The following BAZ2B variants were observed in gnomAD, a reference collection of about 807,000 sequenced individuals.
BAZ2B encodes the protein bromodomain adjacent to zinc finger domain 2B.
Under a neutral mutation model 246.0 loss-of-function variants are expected in BAZ2B, and 91 were observed. That is an observed-to-expected ratio of 0.37 (90% CI 0.31 to 0.44). BAZ2B has a LOEUF of 0.44. Ranked by LOEUF, BAZ2B falls within the 20% of genes least tolerant of loss-of-function variation. The probability of loss-of-function intolerance (pLI) is 1.00; values close to 1 mark genes in which losing one functional copy is unlikely to be tolerated. For synonymous variants in BAZ2B, 855 were observed against 860.0 expected (o/e 0.99, Z 0.10); for missense variants, 2,332 against 2,533.7 (o/e 0.92, Z 1.71).
At position 159,395,713 on chromosome 2, in the gene BAZ2B, C is replaced by T; in HGVS notation, c.3075+56G>A. ...AAATTTATATTTAGAAGAGCCAATG[C>T]TTTAGGAAAAAGCATTACTTTATAA... On this transcript the variant is annotated intron_variant, in intron 20 of 36. Transcript: ENST00000392783. 5 of 1,452,474 alleles carry T rather than the reference C, an allele frequency of 3.4e-6. No individual in the cohort carries two copies. The South Asian group carries it at 3.8e-5, about 11-fold the overall frequency. The allele number at this position is 1,452,474 out of a possible 1,614,324, so 90.0% of individuals were successfully genotyped here. A position where few individuals can be genotyped will look rare whatever the true frequency, so the allele number is the denominator to read the frequency against.
chr2:159,571,841 T>G lies in BAZ2B; in HGVS notation c.-45-15976A>C, dbSNP rs192610967. Among the ~76,000 whole-genome samples, 5 of 152,282 alleles carry G rather than the reference T, an allele frequency of 3.3e-5. No homozygotes were observed. The East Asian group carries it at 9.6e-4, about 29-fold the overall frequency. On this transcript the variant is annotated intron_variant, in intron 1 of 36. Transcript: ENST00000392783. The stretch of plus-strand genomic sequence containing the variant: ...GAGGATATCTGTCAAATCCATCTCT[T>G]GATCAGGAGCCTACTCCCAAGATAA...
chr2:159,355,059 G>A (rs1006392450), intron 27 of BAZ2B, among the ~76,000 whole-genome samples: 1 of 152,168 alleles, frequency 6.6e-6, no homozygotes, highest in African/African-American at 2.4e-5. Context: ...AATCATTCTT[G>A]CTTCCAGTGA....
At chr2:159,406,574 A>G (rs1293428682) in intron 14 of BAZ2B, among the ~76,000 whole-genome samples, 6 of 152,136 alleles carry the variant, frequency 3.9e-5, no homozygotes. Context: ...TTACTCATAT[A>G]ATCATTTTAG....
the BAZ2B span, among the ~76,000 whole-genome samples, chr2:159,629,731 G>A: frequency 2.6e-5 from 4 of 151,856 alleles, no homozygotes; most frequent in Non-Finnish European, 5.9e-5. Context: ...GTAGATGATG[G>A]GTTAATGGAT....
chr2:159,501,166 A>AT (rs1178970627), intron 2 of BAZ2B, among the ~76,000 whole-genome samples: 10 of 88,160 alleles, frequency 1.1e-4, no homozygotes, highest in South Asian at 3.6e-4. Flanking sequence ...ATAAATATAT[A>AT]ATATATATTA....
At chr2:159,553,822 T>C (rs1468514211) in intron 2 of BAZ2B, among the ~76,000 whole-genome samples, 2 of 152,172 alleles carry the variant, frequency 1.3e-5, no homozygotes, top group African/African-American at 4.8e-5. Flanking sequence ...AACATTTTAC[T>C]TTTAGTTCTT....
intron 3 of BAZ2B, among the ~76,000 whole-genome samples, chr2:159,474,011 G>A (rs945883041): frequency 6.6e-6 from 1 of 152,146 alleles, no homozygotes; most frequent in Admixed American, 6.5e-5. Flanking sequence ...TAAGTGAGAC[G>A]TGGTGCTAAG....
At chr2:159,582,548 T>C (rs551330754) in intron 1 of BAZ2B, among the ~76,000 whole-genome samples, 1 of 152,250 alleles carries the variant, frequency 6.6e-6, no homozygotes, top group African/African-American at 2.4e-5. Flanking sequence ...AACGTCTAAA[T>C]AATTTTTGTA....
At chr2:159,399,741 C>T (rs924680476) in intron 17 of BAZ2B, among the ~76,000 whole-genome samples, 20 of 152,064 alleles carry the variant, frequency 1.3e-4, no homozygotes, top group South Asian at 2.1e-4. Flanking sequence ...CTCAGCTATC[C>T]GGAGCCCTCA....
At chr2:159,329,094 G>A (rs2064227424) in intron 34 of BAZ2B, among the ~76,000 whole-genome samples, 1 of 147,672 alleles carries the variant, frequency 6.8e-6, no homozygotes, top group African/African-American at 2.5e-5. Context: ...TCGTGCCACT[G>A]CACTCCAGCC....
chr2:159,437,544 T>C (rs2072606096), intron 8 of BAZ2B: 1 of 152,140 alleles, frequency 6.6e-6, no homozygotes, highest in South Asian at 2.1e-4. Context: ...AAAGTGATTC[T>C]TTATGAAGGG....
intron 2 of BAZ2B, among the ~76,000 whole-genome samples, chr2:159,508,732 C>T (rs1341475156): frequency 6.6e-6 from 1 of 152,138 alleles, no homozygotes; most frequent in Non-Finnish European, 1.5e-5. Flanking sequence ...AAGAAAACTT[C>T]CAATTAGTTT....
rs573519775 is a variant in BAZ2B at position 159,464,829 on chromosome 2, T to C, written c.146-11028A>G. 3.3e-5 allele frequency: 5 copies of C among 152,354 alleles called. No homozygotes were observed. In the South Asian group the frequency reaches 1.0e-3, roughly 32 times the overall value. 9.4% of individuals were successfully genotyped at this position (152,354 alleles called of 1,614,324 possible). The stretch of plus-strand genomic sequence containing the variant: ...ATACGGAATATTTTATATACATTTC[T>C]ATATTCAAATATAGCTGTACTTCTA... On this transcript the variant is annotated intron_variant, in intron 3 of 36. Coordinates refer to ENST00000392783, the MANE Select transcript of BAZ2B (RefSeq NM_013450.4).
At chr2:159,556,692 C>T (rs1161497554) in intron 1 of BAZ2B, among the ~76,000 whole-genome samples, 1 of 152,088 alleles carries the variant, frequency 6.6e-6, no homozygotes, top group Non-Finnish European at 1.5e-5. Flanking sequence ...AAACTCCTGG[C>T]CTCAAGTGAT....
intron 6 of BAZ2B, among the ~76,000 whole-genome samples, chr2:159,442,814 C>T (rs986779197): frequency 5.9e-5 from 9 of 152,226 alleles, no homozygotes; most frequent in South Asian, 4.1e-4. Context: ...CCTCAAGGTT[C>T]ATCCATGCTG....
intron 22 of BAZ2B, 96 bp downstream of exon 22, chr2:159,386,257 G>C: frequency 7.8e-7 from 1 of 1,284,746 alleles, no homozygotes; most frequent in Non-Finnish European, 1.0e-6. Context: ...GGAAAAATTA[G>C]ATCAATCTAT....
the BAZ2B span, among the ~76,000 whole-genome samples, chr2:159,696,510 C>A: frequency 1.3e-5 from 2 of 152,076 alleles, no homozygotes; most frequent in Admixed American, 1.3e-4. Context: ...ACTTTTAAGT[C>A]CCTTCCCTGT....
intron 25 of BAZ2B, among the ~76,000 whole-genome samples, chr2:159,378,245 T>C (rs1368469946): frequency 6.6e-6 from 1 of 152,232 alleles, no homozygotes; most frequent in Non-Finnish European, 1.5e-5. Context: ...ACTCAAATTA[T>C]ATACCCTTCA....
chr2:159,544,089 C>T (rs571028367), intron 2 of BAZ2B, among the ~76,000 whole-genome samples: 3 of 152,272 alleles, frequency 2.0e-5, no homozygotes, highest in African/African-American at 7.2e-5. Flanking sequence ...ACTCTGTCCC[C>T]CTGGTGTAAT....
Sources: allele counts gnomAD v4.1 joint callset (sites outside exome capture counted in the v4.1 genomes callset), GRCh38; gene constraint gnomAD v4.1.1; transcripts MANE v1.5; gene names NCBI Gene and HGNC (gene_info 2026-07-23, HGNC 2026-07-21).